The following LCOR variants were observed in gnomAD, a reference collection of about 807,000 sequenced individuals.
LCOR encodes the protein ligand dependent nuclear receptor corepressor.
Under a neutral mutation model 64.4 loss-of-function variants are expected in LCOR, and 14 were observed. That is an observed-to-expected ratio of 0.22 (90% CI 0.14 to 0.34). LCOR has a LOEUF of 0.34. Among genes scored for constraint, LCOR ranks in the 10% least tolerant of loss-of-function variants. LCOR has a pLI of 1.00. For missense variants in LCOR, 1,686 were observed against 1,765.3 expected, an observed-to-expected ratio of 0.96 and a Z score of 0.80; for synonymous variants, 643 against 642.5, an observed-to-expected ratio of 1.00 and a Z score of -0.01.
chr10:96,896,121 AT>A (rs1249162604), intron 2 of LCOR, among the ~76,000 whole-genome samples: 1 of 152,056 alleles, frequency 6.6e-6, no homozygotes, highest in African/African-American at 2.4e-5. Context: ...CTCCTAGATA[AT>A]TTTTTTCTCG....
At chr10:96,941,628 GCTC>G (rs1564632897) in intron 4 of LCOR, among the ~76,000 whole-genome samples, 1 of 149,154 alleles carries the variant, frequency 6.7e-6, no homozygotes, top group African/African-American at 2.5e-5. Flanking sequence ...AGGCGGAGGG[GCTC>G]CTCACTTCCC....
intron 7 of LCOR, among the ~76,000 whole-genome samples, chr10:96,979,054 T>C (rs1848060771): frequency 6.6e-6 from 1 of 152,214 alleles, no homozygotes; most frequent in African/African-American, 2.4e-5. Flanking sequence ...CCTATGCTCT[T>C]TTCCACTGTG....
At chr10:96,945,248 T>C (rs1847567826) in intron 5 of LCOR, among the ~76,000 whole-genome samples, 1 of 152,210 alleles carries the variant, frequency 6.6e-6, no homozygotes, top group Non-Finnish European at 1.5e-5. Context: ...TGACATTGGT[T>C]AAAAGTCTGA....
At chr10:96,923,544 G>A (rs564030075) in intron 4 of LCOR, among the ~76,000 whole-genome samples, 1 of 152,252 alleles carries the variant, frequency 6.6e-6, no homozygotes, top group East Asian at 1.9e-4. Context: ...ATGTAAGTAA[G>A]CATCCTCCTC....
intron 4 of LCOR, among the ~76,000 whole-genome samples, chr10:96,930,536 T>TC (rs1374532537): frequency 6.6e-6 from 1 of 152,228 alleles, no homozygotes; most frequent in Non-Finnish European, 1.5e-5. Flanking sequence ...GTTTTTACTT[T>TC]CTCTCAGCAG....
At chr10:96,841,550 G>A (rs999265879) in intron 2 of LCOR, among the ~76,000 whole-genome samples, 1 of 151,628 alleles carries the variant, frequency 6.6e-6, no homozygotes. Flanking sequence ...TAGTAGAGAC[G>A]GGGTTTCACC....
chr10:96,879,559 T>C (rs949916487), intron 2 of LCOR, among the ~76,000 whole-genome samples: 14 of 152,240 alleles, frequency 9.2e-5, no homozygotes, highest in African/African-American at 3.4e-4. Flanking sequence ...TCGTAGAAAT[T>C]ATATCTCATG....
At position 96,953,057 on chromosome 10, in the gene LCOR, A is replaced by G. The variant is rs184526051; in HGVS notation, c.332+861A>G. On this transcript the variant is annotated intron_variant, in intron 7 of 7. Transcript: ENST00000421806. The stretch of plus-strand genomic sequence containing the variant: ...AACCTTTTCCAACTTACTGTTAACT[A>G]CCTTCAAATAGAAGGATTCCTTTAC... Among the ~76,000 whole-genome samples the G allele has an allele frequency of 4.3e-4, 65 of 152,296 alleles. No homozygotes were observed. In the East Asian group the frequency reaches 4.4e-3, roughly 10 times the overall value.
At chr10:96,960,832 A>T (rs1038480127) in intron 7 of LCOR, 6 of 152,182 alleles carry the variant, frequency 3.9e-5, no homozygotes, top group Admixed American at 3.9e-4. Flanking sequence ...ACAGATCTCC[A>T]GGCTCTTTCT....
chr10:96,933,075 G>A (rs1026545145), intron 4 of LCOR, among the ~76,000 whole-genome samples: 16 of 152,316 alleles, frequency 1.1e-4, no homozygotes, highest in African/African-American at 2.9e-4. Flanking sequence ...ATGTAACAAT[G>A]TAAGAAAGAA....
intron 2 of LCOR, among the ~76,000 whole-genome samples, chr10:96,852,013 T>C (rs144822039): frequency 6.6e-6 from 1 of 152,250 alleles, no homozygotes; most frequent in Non-Finnish European, 1.5e-5. Context: ...TGCCACACAA[T>C]CATACATTGT....
In LCOR at chr10:96,988,468, T is replaced by C. The variant is rs1450394455; in HGVS notation, c.*3334T>C. ...GTGCCCTTAGTCATCCCTTTACATA[T>C]GTGGTGCTTTCTAATGGGATCTCTA... On this transcript the variant is annotated 3_prime_UTR_variant, in exon 8 of 8. Coordinates refer to ENST00000421806, the MANE Select transcript of LCOR (RefSeq NM_001346516.2). 6.6e-6 allele frequency: 1 copy of C among 152,240 alleles called. No homozygotes were observed. Among genetic ancestry groups the C allele is most frequent in the Admixed American group, 6.5e-5 (1 of 15,294 alleles). 9.4% of individuals were successfully genotyped at this position (152,240 alleles called of 1,614,324 possible).
intron 2 of LCOR, among the ~76,000 whole-genome samples, chr10:96,906,638 GTA>G (rs1317069112): frequency 6.6e-6 from 1 of 152,056 alleles, no homozygotes; most frequent in East Asian, 1.9e-4. Flanking sequence ...TTGTGTACAA[GTA>G]TATTTGATTT....
intron 7 of LCOR, chr10:96,963,271 A>G (rs902891043): frequency 6.6e-6 from 1 of 152,224 alleles, no homozygotes; most frequent in African/African-American, 2.4e-5. Flanking sequence ...ACACACAAAC[A>G]TGCACAGTTA....
chr10:96,845,493 G>C (rs1845613549), intron 2 of LCOR, among the ~76,000 whole-genome samples: 1 of 97,576 alleles, frequency 1.0e-5, no homozygotes, highest in Admixed American at 1.5e-4. Flanking sequence ...TTTTGAGACG[G>C]AGTCTCGCTG....
chr10:96,936,092 A>G (rs1847346116), intron 4 of LCOR, among the ~76,000 whole-genome samples: 1 of 152,276 alleles, frequency 6.6e-6, no homozygotes, highest in Non-Finnish European at 1.5e-5. Context: ...AGATAATCAG[A>G]ATAAGAGACA....
At chr10:96,859,588 C>T (rs935374185) in intron 2 of LCOR, among the ~76,000 whole-genome samples, 4 of 151,830 alleles carry the variant, frequency 2.6e-5, no homozygotes, top group Non-Finnish European at 5.9e-5. Context: ...GACCGAGTCT[C>T]GCTCTGTCGC....
chr10:96,925,029 C>T (rs553111013), intron 4 of LCOR, among the ~76,000 whole-genome samples: 1 of 151,812 alleles, frequency 6.6e-6, no homozygotes, highest in African/African-American at 2.4e-5. Context: ...AGAATGGTTC[C>T]TCAACCATTT....
chr10:96,897,052 T>TGAGA lies in LCOR; in HGVS notation c.-329-10194_-329-10191dup, dbSNP rs142740088. On this transcript the variant is annotated intron_variant, in intron 2 of 7. Coordinates refer to ENST00000421806, the MANE Select transcript of LCOR (RefSeq NM_001346516.2). ...AGTTAACTCCATTATTCCCAAGGAA[T>TGAGA]GAGAGAGAGAGAGAGAGAGAGAAAG... Among the ~76,000 whole-genome samples, 70 of 124,246 alleles carry TGAGA rather than the reference T, an allele frequency of 5.6e-4. 1 individual carries two copies. The Middle Eastern group carries it at 0.039, about 70-fold the overall frequency. 81.5% of individuals were successfully genotyped at this position (124,246 alleles called of 152,430 possible).
Sources: gnomAD v4.1 joint callset for allele counts (sites outside exome capture counted in the v4.1 genomes callset) on GRCh38, gnomAD v4.1.1 for gene constraint, MANE v1.5 for transcripts, NCBI Gene and HGNC (gene_info 2026-07-23, HGNC 2026-07-21) for gene names.